DCC: variants seen among roughly 807,000 people sequenced by gnomAD.
DCC encodes the protein DCC netrin 1 receptor, also known as netrin receptor DCC.
Under a neutral mutation model 172.5 loss-of-function variants are expected in DCC, and 58 were observed. The ratio of observed to expected loss-of-function variants is 0.34; its 90% CI spans 0.27 to 0.42. The LOEUF (loss-of-function observed/expected upper bound fraction) is 0.42. Among genes scored for constraint, DCC ranks in the 10% least tolerant of loss-of-function variants. DCC has a pLI of 1.00. For missense variants in DCC, 1,740 were observed against 1,791.0 expected, an observed-to-expected ratio of 0.97 and a Z score of 0.51; for synonymous variants, 709 against 644.5, an observed-to-expected ratio of 1.10 and a Z score of -1.52.
chr18:53,297,337 T>C (rs2057079527), intron 12 of DCC, among the ~76,000 whole-genome samples: 1 of 152,178 alleles, frequency 6.6e-6, no homozygotes, highest in Non-Finnish European at 1.5e-5. Context: ...GGCAAATAAA[T>C]AATTTTTATG....
At chr18:52,842,860 G>A (rs779152086) in intron 2 of DCC, among the ~76,000 whole-genome samples, 9 of 152,182 alleles carry the variant, frequency 5.9e-5, no homozygotes, top group Non-Finnish European at 1.3e-4. Flanking sequence ...AAATAATTGA[G>A]GGTAATTCCT....
chr18:52,911,336 T>A (rs1376773007), intron 3 of DCC, among the ~76,000 whole-genome samples: 1 of 152,068 alleles, frequency 6.6e-6, no homozygotes, highest in African/African-American at 2.4e-5. Flanking sequence ...TTGCATAGAT[T>A]ATTACTTTTA....
intron 5 of DCC, among the ~76,000 whole-genome samples, chr18:52,945,211 T>C (rs1286905300): frequency 3.9e-5 from 6 of 152,224 alleles, no homozygotes; most frequent in African/African-American, 1.2e-4. Flanking sequence ...TTTAAAAATA[T>C]GAACTTAGGT....
chr18:53,051,854 A>G (rs906766041), intron 5 of DCC, among the ~76,000 whole-genome samples: 2 of 152,094 alleles, frequency 1.3e-5, no homozygotes, highest in African/African-American at 2.4e-5. Flanking sequence ...AGTTTCCCGG[A>G]AACACAGTCT....
chr18:53,451,265 A>G (rs531913410), intron 23 of DCC, among the ~76,000 whole-genome samples: 1 of 152,342 alleles, frequency 6.6e-6, no homozygotes, highest in East Asian at 1.9e-4. Flanking sequence ...GAATATTTTC[A>G]TATTATGCAG....
intron 1 of DCC, among the ~76,000 whole-genome samples, chr18:52,359,902 A>G (rs1157476357): frequency 6.6e-6 from 1 of 152,200 alleles, no homozygotes; most frequent in African/African-American, 2.4e-5. Flanking sequence ...GACACCAAAA[A>G]GTTGGCCAAT....
In DCC at chr18:53,146,173, A is replaced by G. The variant is rs528735857; in HGVS notation, c.1262-11183A>G. The stretch of plus-strand genomic sequence containing the variant: ...GAGGCAGAGGTTGCAGTGAGCCAAG[A>G]TCATGCCACTGTACTCTAGCCTGGG... On this transcript the variant is annotated intron_variant, in intron 7 of 28. Coordinates refer to ENST00000442544, the MANE Select transcript of DCC (RefSeq NM_005215.4). 9.9e-5 allele frequency among the ~76,000 whole-genome samples: 15 copies of G among 152,244 alleles called. No individual in the cohort carries two copies. The South Asian group carries it at 2.7e-3, about 27-fold the overall frequency.
Position 53,459,265 on chromosome 18 carries a change from G to A in DCC, c.3426G>A (p.Lys1142=), listed in dbSNP as rs1333621727. The change falls in exon 24 of 29, where the codon AAG becomes AAA. Residue 1142 remains lysine (K), a synonymous_variant. Transcript: ENST00000442544. ...CCACCCACAGTGCTGGCAAAAGGAA[G>A]GGCAGCCAGAAGGACCTCCGACCCC... is the stretch of plus-strand genomic sequence containing the variant. The part of the protein sequence containing the change: ...KRATHSAGKR[K]GSQKDLRPPD... The A allele has an allele frequency of 3.7e-6, 6 of 1,614,130 alleles. No individual in the cohort carries two copies. The highest frequency in any genetic ancestry group is 2.2e-5 in the East Asian group (1 of 44,870).
chr18:52,362,785 C>T (rs1984677783), intron 1 of DCC, among the ~76,000 whole-genome samples: 1 of 152,090 alleles, frequency 6.6e-6, no homozygotes, highest in Non-Finnish European at 1.5e-5. Flanking sequence ...TTTTAGCCCC[C>T]CCCACTCCCC....
intron 1 of DCC, among the ~76,000 whole-genome samples, chr18:52,526,634 A>G (rs954874585): frequency 1.3e-5 from 2 of 152,172 alleles, no homozygotes; most frequent in Admixed American, 1.3e-4. Context: ...GAGACTTCAA[A>G]GAATTCAATG....
intron 8 of DCC, among the ~76,000 whole-genome samples, chr18:53,168,504 G>A (rs981017825): frequency 7.1e-6 from 1 of 140,052 alleles, no homozygotes; most frequent in African/African-American, 2.6e-5. Flanking sequence ...TTACAACTGG[G>A]AGTTGAACAA....
chr18:52,945,822 T>C (rs2040536514), intron 5 of DCC, among the ~76,000 whole-genome samples: 1 of 152,172 alleles, frequency 6.6e-6, no homozygotes, highest in Non-Finnish European at 1.5e-5. Flanking sequence ...CAGGCTTTGT[T>C]TGTTTTGGCC....
intron 1 of DCC, 148 bp from the exon 2 acceptor site, chr18:52,751,906 A>G (rs1051878935): frequency 1.5e-6 from 1 of 687,204 alleles, no homozygotes; most frequent in Non-Finnish European, 2.5e-6. Context: ...ATTTAACATA[A>G]TATCCTTGAT....
chr18:53,030,496 C>G (rs2042012669), intron 5 of DCC, among the ~76,000 whole-genome samples: 1 of 151,820 alleles, frequency 6.6e-6, no homozygotes, highest in Admixed American at 6.6e-5. Flanking sequence ...AGGAAGCACT[C>G]TTCTTTAAGC....
intron 1 of DCC, among the ~76,000 whole-genome samples, chr18:52,624,151 CAA>C (rs1397087750): frequency 6.6e-6 from 1 of 152,026 alleles, no homozygotes; most frequent in Non-Finnish European, 1.5e-5. Context: ...AGCATTTTTT[CAA>C]AGTCACTCCA....
At chr18:52,690,539 T>C (rs1343704461) in intron 1 of DCC, among the ~76,000 whole-genome samples, 4 of 152,094 alleles carry the variant, frequency 2.6e-5, no homozygotes, top group Non-Finnish European at 4.4e-5. Context: ...ACAACAATAA[T>C]AAAATACATT....
intron 5 of DCC, among the ~76,000 whole-genome samples, chr18:52,927,419 G>T (rs1042751358): frequency 5.3e-5 from 8 of 151,498 alleles, no homozygotes; most frequent in Admixed American, 5.3e-4. Context: ...TCCACTACAG[G>T]CAGTGCATTT....
At chr18:52,862,398 T>G (rs2039157698) in intron 2 of DCC, among the ~76,000 whole-genome samples, 1 of 151,900 alleles carries the variant, frequency 6.6e-6, no homozygotes, top group Non-Finnish European at 1.5e-5. Flanking sequence ...TTAGCTAAAG[T>G]GATAATTAAA....
intron 1 of DCC, among the ~76,000 whole-genome samples, chr18:52,696,426 T>G (rs7236766): frequency 0.83 from 125,969 of 152,174 alleles, 52,283 homozygotes; most frequent in Middle Eastern, 0.88. Context: ...CCCAAATTCT[T>G]AGAGAAAGGA....
Sources: allele counts gnomAD v4.1 joint callset (sites outside exome capture counted in the v4.1 genomes callset), GRCh38; gene constraint gnomAD v4.1.1; transcripts MANE v1.5; gene names NCBI Gene and HGNC (gene_info 2026-07-23, HGNC 2026-07-21).